OSBPL3: variants seen among roughly 807,000 people sequenced by gnomAD.
OSBPL3 encodes oxysterol-binding protein-related protein 3.
In OSBPL3, 65 loss-of-function variants were observed where a neutral mutation model predicts 120.1. The observed-to-expected ratio is 0.54, with a 90% CI of 0.44 to 0.67. The LOEUF is 0.67. OSBPL3 is among the 30% of genes least tolerant of loss of function. The probability of loss-of-function intolerance (pLI) is 0.00; values close to 1 mark genes in which losing one functional copy is unlikely to be tolerated. For synonymous variants in OSBPL3, 416 were observed against 402.6 expected, an observed-to-expected ratio of 1.03 and a Z score of -0.40; for missense variants, 1,004 against 1,082.1, an observed-to-expected ratio of 0.93 and a Z score of 1.01.
intron 1 of OSBPL3, among the ~76,000 whole-genome samples, chr7:24,907,764 C>T (rs773540576): frequency 4.6e-5 from 7 of 152,170 alleles, no homozygotes; most frequent in African/African-American, 1.2e-4. Flanking sequence ...TTTCCTTTTG[C>T]GCTACCTGAA....
intron 1 of OSBPL3, among the ~76,000 whole-genome samples, chr7:24,927,447 G>A (rs144478927): frequency 2.0e-5 from 3 of 152,200 alleles, no homozygotes; most frequent in African/African-American, 7.2e-5. Flanking sequence ...ATAGCACTTG[G>A]CATTTCTTGG....
rs1192624659 is a variant in OSBPL3, at chr7:24,819,396, T to C, written c.1948+779A>G. On this transcript the variant is annotated intron_variant, in intron 17 of 22. Transcript: ENST00000313367. The surrounding 1 kb of genome is among the most constrained non-coding windows in gnomAD (Gnocchi z 4.1). ...TGAGAGAGCAGTTTTAATTTTAAAC[T>C]TTAATAGCAAAGGTGAAGAAAGAAA... Among the ~76,000 whole-genome samples, 3 of 152,180 alleles carry C rather than the reference T, an allele frequency of 2.0e-5. No individual in the cohort carries two copies. Among genetic ancestry groups the C allele is most frequent in the African/African-American group, 7.2e-5 (3 of 41,434 alleles).
Position 24,900,616 on chromosome 7 carries a change from C to G in OSBPL3, c.-149-7995G>C, listed in dbSNP as rs960703816. ...CAGACACATGTGCTTCCAGTCTCCA[C>G]TCCCAAGCTTTGTCATCATGGCAAA... is the stretch of plus-strand genomic sequence containing the variant. On this transcript the variant is annotated intron_variant, in intron 1 of 22. Coordinates refer to ENST00000313367, the MANE Select transcript of OSBPL3 (RefSeq NM_015550.4). This position sits in a 1 kb window ranked among gnomAD's most constrained non-coding sequence, Gnocchi z 4.5. Among the ~76,000 whole-genome samples the G allele has an allele frequency of 6.6e-6, 1 of 152,164 alleles. No individual in the cohort carries two copies. The highest frequency in any genetic ancestry group is 1.5e-5 in the Non-Finnish European group (1 of 68,028).
intron 6 of OSBPL3, 80 bp downstream of exon 6, chr7:24,865,990 C>T (rs985411759): frequency 4.8e-5 from 57 of 1,186,116 alleles, no homozygotes; most frequent in South Asian, 9.2e-5. Flanking sequence ...TTTCCTTCTT[C>T]GGACTCAGCT....
rs777242612 is a variant in OSBPL3 at position 24,968,649 on chromosome 7, G to A, written c.-150+11237C>T. Among the ~76,000 whole-genome samples the A allele has an allele frequency of 5.6e-4, 85 of 152,216 alleles. 1 individual carries two copies. The highest frequency in any genetic ancestry group is 3.4e-3 in the Middle Eastern group (1 of 294). ...TGACCTCAGGTGATTCGCCCACCTC[G>A]GCCTCCCAAAGTGCTAGGATTACAG... On this transcript the variant is annotated intron_variant, in intron 1 of 22. Transcript: ENST00000313367. The surrounding 1 kb of genome is among the most constrained non-coding windows in gnomAD (Gnocchi z 4.6).
chr7:24,960,849 C>T (rs1434946925), intron 1 of OSBPL3, among the ~76,000 whole-genome samples: 3 of 152,112 alleles, frequency 2.0e-5, no homozygotes, highest in African/African-American at 7.2e-5. Flanking sequence ...TACATAGTCC[C>T]TCCAAAAAGA....
rs1223767104 is a variant in OSBPL3, at chr7:24,928,223, G to A, written c.-149-35602C>T. ...TTTTTTTTTTTTGAGATGGAGTCTC[G>A]CTCTGTCACCCAGGCTGGAGTGCAG... On this transcript the variant is annotated intron_variant, in intron 1 of 22. Transcript: ENST00000313367. Among the ~76,000 whole-genome samples the A allele has an allele frequency of 3.7e-5, 5 of 135,896 alleles. No homozygotes were observed. In the East Asian group the frequency reaches 6.3e-4, roughly 17 times the overall value. The allele number at this position is 135,896 out of a possible 152,430, so 89.2% of individuals were successfully genotyped here.
In OSBPL3 at chr7:24,916,147, G is replaced by T. The variant is rs1169912637; in HGVS notation, c.-149-23526C>A. ...TTGTGATGGTTTTCACCTCTCTTCT[G>T]AACCTAAGAGAACAAATACTCTTAT... On this transcript the variant is annotated intron_variant, in intron 1 of 22. Transcript: ENST00000313367. The surrounding 1 kb of genome is among the most constrained non-coding windows in gnomAD (Gnocchi z 4.9). 6.6e-6 allele frequency among the ~76,000 whole-genome samples: 1 copy of T among 152,184 alleles called. No homozygotes were observed. Among genetic ancestry groups the T allele is most frequent in the Non-Finnish European group, 1.5e-5 (1 of 68,040 alleles).
rs916805818 is a variant in OSBPL3, at chr7:24,799,037, A to T, written c.*1146T>A. The T allele has an allele frequency of 2.6e-5, 4 of 152,662 alleles. No homozygotes were observed. The highest frequency in any genetic ancestry group is 2.6e-4 in the Admixed American group (4 of 15,284). 9.5% of individuals were successfully genotyped at this position (152,662 alleles called of 1,614,324 possible). On this transcript the variant is annotated 3_prime_UTR_variant, in exon 23 of 23. Transcript: ENST00000313367. This position sits in a 1 kb window ranked among gnomAD's most constrained non-coding sequence, Gnocchi z 5.3. ...ACAAAAGAATGATATGGATAACAAG[A>T]AAGTATAGGAAAGGGGTAAGACACT...
At chr7:24,927,370 G>A (rs1421339919) in intron 1 of OSBPL3, among the ~76,000 whole-genome samples, 4 of 152,198 alleles carry the variant, frequency 2.6e-5, no homozygotes, top group Non-Finnish European at 5.9e-5. Context: ...CTTTTTAGCA[G>A]AGAATATGGC....
intron 5 of OSBPL3, among the ~76,000 whole-genome samples, chr7:24,868,079 G>A (rs1193166178): frequency 6.6e-6 from 1 of 152,188 alleles, no homozygotes; most frequent in African/African-American, 2.4e-5. Context: ...AGCACTTCGG[G>A]AGGCTGAGGA....
chr7:24,835,755 C>T lies in OSBPL3; in HGVS notation c.1496-1019G>A, dbSNP rs905352857. The stretch of plus-strand genomic sequence containing the variant: ...GCCATAAAAAAGAATGGGATCATAG[C>T]CTTTGCAGCAACATAGATGGAGCTG... On this transcript the variant is annotated intron_variant, in intron 14 of 22. Transcript: ENST00000313367. The surrounding 1 kb of genome is among the most constrained non-coding windows in gnomAD (Gnocchi z 4.8). Among the ~76,000 whole-genome samples the T allele has an allele frequency of 1.3e-5, 2 of 152,064 alleles. No homozygotes were observed. Among genetic ancestry groups the T allele is most frequent in the Non-Finnish European group, 2.9e-5 (2 of 68,022 alleles).
chr7:24,852,516 G>A lies in OSBPL3; in HGVS notation c.1146C>T (p.Asn382=), dbSNP rs767974595. 113 of 1,582,328 alleles carry A rather than the reference G, an allele frequency of 7.1e-5. No homozygotes were observed. The highest frequency in any genetic ancestry group is 1.9e-4 in the South Asian group (16 of 84,648). The change falls in exon 11 of 23, where the codon AAC becomes AAT. Residue 382 remains asparagine, a synonymous_variant. Coordinates refer to ENST00000313367, the MANE Select transcript of OSBPL3 (RefSeq NM_015550.4). This position sits in a 1 kb window ranked among gnomAD's most constrained non-coding sequence, Gnocchi z 4.1. ...SPSAQVIGLK[N]ALSSALAQNT... ...ACATGTAACTTACGGATGACAGGGC[G>A]TTCTTCAGACCAATGACCTGAGCAG...
chr7:24,892,285 A>G (rs1263980565), intron 2 of OSBPL3, 92 bp downstream of exon 2: 4 of 1,280,930 alleles, frequency 3.1e-6, no homozygotes, highest in Non-Finnish European at 3.3e-6. Context: ...TTAAACTGAG[A>G]AGTAGGCTTT....
intron 1 of OSBPL3, among the ~76,000 whole-genome samples, chr7:24,949,218 G>A (rs1814096119): frequency 6.6e-6 from 1 of 152,120 alleles, no homozygotes; most frequent in African/African-American, 2.4e-5. Flanking sequence ...ATGTATTCCT[G>A]ACATCTTTCC....
At position 24,808,740 on chromosome 7, in the gene OSBPL3, G is replaced by A. The variant is rs748685436; in HGVS notation, c.2317+1067C>T. On this transcript the variant is annotated intron_variant, in intron 20 of 22. Transcript: ENST00000313367. The surrounding 1 kb of genome is among the most constrained non-coding windows in gnomAD (Gnocchi z 4.6). Reference sequence around the variant, plus strand: ...GTGCCCTTACTGGGGATTAATCCAAGACATCTAAATCTCTCTTGCCTACTC... The same window carrying A: ...GTGCCCTTACTGGGGATTAATCCAAAACATCTAAATCTCTCTTGCCTACTC... Among the ~76,000 whole-genome samples the A allele has an allele frequency of 8.5e-5, 13 of 152,200 alleles. No homozygotes were observed. Among genetic ancestry groups the A allele is most frequent in the Non-Finnish European group, 7.3e-5 (5 of 68,030 alleles).
chr7:24,880,821 T>A (rs985992409), intron 2 of OSBPL3, among the ~76,000 whole-genome samples: 2 of 152,182 alleles, frequency 1.3e-5, no homozygotes, highest in African/African-American at 4.8e-5. Context: ...GGCTCCTGTG[T>A]GAATGGGACT....
chr7:24,931,482 G>A (rs1162406926), intron 1 of OSBPL3, among the ~76,000 whole-genome samples: 3 of 152,156 alleles, frequency 2.0e-5, no homozygotes, highest in African/African-American at 7.2e-5. Flanking sequence ...GCAATGTGAT[G>A]ATGGAAACAG....
chr7:24,803,380 C>T lies in OSBPL3; in HGVS notation c.2567+935G>A, dbSNP rs570349394. On this transcript the variant is annotated intron_variant, in intron 22 of 22. Transcript: ENST00000313367. The surrounding 1 kb of genome is among the most constrained non-coding windows in gnomAD (Gnocchi z 4.2). ...CAGGCCCCATTCCAGGGTATTATAC[C>T]GAGTCCTTCAACAGATCCCCCACCT... 2.0e-5 allele frequency among the ~76,000 whole-genome samples: 3 copies of T among 152,108 alleles called. No homozygotes were observed. Among genetic ancestry groups the T allele is most frequent in the African/African-American group, 4.8e-5 (2 of 41,414 alleles).
Sources: gnomAD v4.1 joint callset for allele counts (sites outside exome capture counted in the v4.1 genomes callset) on GRCh38, gnomAD v4.1.1 for gene constraint, Gnocchi (gnomAD v3.1) non-coding constraint, MANE v1.5 for transcripts, NCBI Gene and HGNC (gene_info 2026-07-23, HGNC 2026-07-21) for gene names.